The following AKAP6 variants were observed in gnomAD, a reference collection of about 807,000 sequenced individuals.
The protein encoded by AKAP6 is A-kinase anchoring protein 6, also known as A-kinase anchor protein 6.
A neutral mutation model predicts 188.5 loss-of-function variants in AKAP6; 58 were observed. That is an observed-to-expected ratio of 0.31 (90% confidence interval 0.25 to 0.38). AKAP6 has a LOEUF of 0.38. AKAP6 is among the 10% of genes least tolerant of loss of function. The pLI is 1.00. For synonymous variants in AKAP6, 989 were observed against 998.6 expected, an observed-to-expected ratio of 0.99 and a Z score of 0.18; for missense variants, 2,710 against 2,740.0, an observed-to-expected ratio of 0.99 and a Z score of 0.24.
chr14:32,749,716 T>G (rs995013524), intron 11 of AKAP6, among the ~76,000 whole-genome samples: 3 of 152,186 alleles, frequency 2.0e-5, no homozygotes, highest in Non-Finnish European at 4.4e-5. Flanking sequence ...GGCAAACAAA[T>G]GTACAGATCT....
intron 9 of AKAP6, among the ~76,000 whole-genome samples, chr14:32,713,209 A>G (rs1198678034): frequency 3.3e-5 from 5 of 152,032 alleles, no homozygotes; most frequent in Non-Finnish European, 7.4e-5. Context: ...AATGGGCTTA[A>G]AATATATAGT....
At chr14:32,667,578 C>T (rs80235801) in intron 7 of AKAP6, among the ~76,000 whole-genome samples, 2,047 of 152,168 alleles carry the variant, frequency 0.013, 50 homozygotes, top group African/African-American at 0.047. Flanking sequence ...TTTTATTCTA[C>T]ATTAGCAGCT....
At chr14:32,772,933 TACC>T (rs2032944311) in intron 11 of AKAP6, among the ~76,000 whole-genome samples, 1 of 152,234 alleles carries the variant, frequency 6.6e-6, no homozygotes, top group African/African-American at 2.4e-5. Context: ...TAGACATGTG[TACC>T]CACTATTTTG....
Position 32,417,891 on chromosome 14 carries a change from A to G in AKAP6, c.-34-15569A>G, listed in dbSNP as rs983279515. The G allele has an allele frequency of 4.6e-5, 7 of 152,264 alleles. No homozygotes were observed. The East Asian group carries it at 1.3e-3, about 29-fold the overall frequency. The allele number at this position is 152,264 out of a possible 1,614,324, so 9.4% of individuals were successfully genotyped here. ...GCTGAATGTTAATGAAATATTCTAGATTATTCATTTTCAGGCATGTGAAGT... is the reference window on the plus strand; with the variant it reads ...GCTGAATGTTAATGAAATATTCTAGGTTATTCATTTTCAGGCATGTGAAGT... On this transcript the variant is annotated intron_variant, in intron 1 of 13. Coordinates refer to ENST00000280979, the MANE Select transcript of AKAP6 (RefSeq NM_004274.5).
intron 9 of AKAP6, among the ~76,000 whole-genome samples, chr14:32,700,099 T>C (rs779317240): frequency 6.7e-6 from 1 of 148,910 alleles, no homozygotes; most frequent in Non-Finnish European, 1.5e-5. Flanking sequence ...CTAAGTGTTA[T>C]AGACTGAGTG....
At chr14:32,739,981 A>T (rs539038214) in intron 11 of AKAP6, among the ~76,000 whole-genome samples, 1 of 152,266 alleles carries the variant, frequency 6.6e-6, no homozygotes, top group South Asian at 2.1e-4. Flanking sequence ...CCTAATTTAC[A>T]TTCCCACCAA....
chr14:32,455,440 G>A (rs1008763513), intron 2 of AKAP6, among the ~76,000 whole-genome samples: 4 of 152,062 alleles, frequency 2.6e-5, no homozygotes, highest in African/African-American at 9.7e-5. Context: ...GCTTCTTTAT[G>A]TTAAATTGTT....
At chr14:32,789,660 A>T (rs1279996608) in intron 12 of AKAP6, among the ~76,000 whole-genome samples, 1 of 152,232 alleles carries the variant, frequency 6.6e-6, no homozygotes, top group Admixed American at 6.5e-5. Context: ...GACCGTTAAA[A>T]GAAAAACAAA....
At chr14:32,713,346 C>A (rs1276450267) in intron 9 of AKAP6, among the ~76,000 whole-genome samples, 1 of 152,032 alleles carries the variant, frequency 6.6e-6, no homozygotes, top group Non-Finnish European at 1.5e-5. Context: ...TGAGCACTGG[C>A]TTCAACTCAA....
chr14:32,545,944 C>T lies in AKAP6; in HGVS notation c.1291C>T (p.Pro431Ser), dbSNP rs112823706. The change falls in exon 4 of 14, where the codon CCT becomes TCT. Residue 431 changes from proline to serine, a missense_variant. By Grantham distance (74) the Pro-to-Ser change is moderately conservative (BLOSUM62 -1). Around this residue, in one of 2 missense-constraint regions of AKAP6, gnomAD observed 2,473 missense variants for 2,426.1 expected, o/e 1.02. Coordinates refer to ENST00000280979, the MANE Select transcript of AKAP6 (RefSeq NM_004274.5). ...CAGAAGCACCCCTTCGCTAGTAGAT[C>T]CTCCTGACAGATCCAAACTTTGCCT... ...MSRSTPSLVD[P>S]PDRSKLCLVL... 4.3e-6 allele frequency: 7 copies of T among 1,614,200 alleles called. No homozygotes were observed. In the African/African-American group the frequency reaches 6.7e-5, roughly 15 times the overall value.
In AKAP6 at chr14:32,821,439, T is replaced by C; in HGVS notation, c.3626T>C (p.Leu1209Pro). The C allele has an allele frequency of 6.2e-7, 1 of 1,613,012 alleles. No homozygotes were observed. The highest frequency in any genetic ancestry group is 8.5e-7 in the Non-Finnish European group (1 of 1,179,414). ...GTGATTGATCCTGGCTTGATGGACC[T>C]AAATGGGATGAGTGAGGATGCCCTG... ...LNVIDPGLMD[L>P]NGMSEDALEW... is the part of the protein sequence containing the mutation. The change falls in exon 13 of 14, where the codon CTA becomes CCA. Residue 1209 changes from leucine to proline, a missense_variant. By Grantham distance (98) the Leu-to-Pro change is moderately conservative. Transcript: ENST00000280979.
intron 2 of AKAP6, among the ~76,000 whole-genome samples, chr14:32,465,209 G>A (rs1878336974): frequency 6.6e-6 from 1 of 152,120 alleles, no homozygotes; most frequent in Admixed American, 6.6e-5. Context: ...AAGCTACCAT[G>A]TCTTTCTTTG....
At chr14:32,494,698 C>T (rs950324203) in intron 2 of AKAP6, among the ~76,000 whole-genome samples, 2 of 152,040 alleles carry the variant, frequency 1.3e-5, no homozygotes, top group South Asian at 2.1e-4. Context: ...GAAATTGCTC[C>T]GTAAAACAGC....
At chr14:32,469,884 A>G (rs1240419295) in intron 2 of AKAP6, among the ~76,000 whole-genome samples, 1 of 152,124 alleles carries the variant, frequency 6.6e-6, no homozygotes, top group African/African-American at 2.4e-5. Context: ...TATATGACAT[A>G]TTTTATCGCT....
intron 11 of AKAP6, among the ~76,000 whole-genome samples, chr14:32,745,870 G>A (rs2031886448): frequency 6.6e-6 from 1 of 152,112 alleles, no homozygotes; most frequent in South Asian, 2.1e-4. Flanking sequence ...GGCTGCACTG[G>A]CACTCAAATC....
chr14:32,469,953 A>T (rs1878682062), intron 2 of AKAP6, among the ~76,000 whole-genome samples: 1 of 152,196 alleles, frequency 6.6e-6, no homozygotes, highest in Non-Finnish European at 1.5e-5. Context: ...GATGTTGGGA[A>T]ATTACTGATT....
intron 1 of AKAP6, among the ~76,000 whole-genome samples, chr14:32,403,840 G>GT (rs1365341822): frequency 2.6e-5 from 4 of 152,168 alleles, no homozygotes; most frequent in Non-Finnish European, 5.9e-5. Context: ...CATGGTAAAT[G>GT]TATCTTCTGC....
chr14:32,609,037 G>C (rs1433399416), intron 7 of AKAP6, among the ~76,000 whole-genome samples: 1 of 152,122 alleles, frequency 6.6e-6, no homozygotes, highest in Non-Finnish European at 1.5e-5. Flanking sequence ...GGAATGTGTT[G>C]TTTCTGGCAG....
At chr14:32,649,670 T>C (rs1342750307) in intron 7 of AKAP6, among the ~76,000 whole-genome samples, 2 of 152,332 alleles carry the variant, frequency 1.3e-5, no homozygotes, top group African/African-American at 4.8e-5. Context: ...AGTTTTAGTC[T>C]GTAAATTTAG....
Sources: gnomAD v4.1 joint callset for allele counts (sites outside exome capture counted in the v4.1 genomes callset) on GRCh38, gnomAD v4.1.1 for gene constraint, gnomAD v4.1.1 regional missense constraint, MANE v1.5 for transcripts, NCBI Gene and HGNC (gene_info 2026-07-23, HGNC 2026-07-21) for gene names.